The following EPB41L5 variants were observed in gnomAD, a reference collection of about 807,000 sequenced individuals.
EPB41L5 encodes the protein band 4.1-like protein 5.
EPB41L5 carries 55 observed loss-of-function variants against 106.6 expected under a neutral mutation model. That is an observed-to-expected ratio of 0.52 (90% CI 0.42 to 0.65). The LOEUF (loss-of-function observed/expected upper bound fraction) is 0.65, where lower values mean the gene tolerates loss of function less well. Ranked by LOEUF, EPB41L5 falls within the 30% of genes least tolerant of loss-of-function variation. The pLI is 0.00. For synonymous variants in EPB41L5, 297 were observed against 306.7 expected (o/e 0.97, Z 0.33); for missense variants, 871 against 882.1 (o/e 0.99, Z 0.16).
chr2:120,128,149 G>A (rs1169359461), intron 17 of EPB41L5: 5 of 185,910 alleles, frequency 2.7e-5, no homozygotes, highest in African/African-American at 1.2e-4. Context: ...AGGATTGAAT[G>A]AATATTTGAA....
Position 120,091,677 on chromosome 2 carries a change from C to G in EPB41L5, c.1150+16C>G. ...CAAATGAAAGGTGAAGTGCAACCCT[C>G]TTTCAAAGGATTATTTTTCCTTGGC... On this transcript the variant is annotated intron_variant, in intron 13 of 24. Transcript: ENST00000263713. 1 of 1,575,440 alleles carries G rather than the reference C, an allele frequency of 6.3e-7. No individual in the cohort carries two copies. Among genetic ancestry groups the G allele is most frequent in the Non-Finnish European group, 8.7e-7 (1 of 1,149,124 alleles).
intron 10 of EPB41L5, among the ~76,000 whole-genome samples, chr2:120,080,199 G>C (rs1292609830): frequency 2.0e-5 from 3 of 151,622 alleles, no homozygotes; most frequent in Non-Finnish European, 4.4e-5. Context: ...AAGTTGGTGT[G>C]CTGCACCGAT....
chr2:120,035,143 T>C (rs1678963365), intron 2 of EPB41L5, among the ~76,000 whole-genome samples: 1 of 152,226 alleles, frequency 6.6e-6, no homozygotes, highest in African/African-American at 2.4e-5. Flanking sequence ...ATCTCCCTTA[T>C]TAAATGGGCC....
chr2:120,046,303 T>C (rs1352915161), intron 3 of EPB41L5, among the ~76,000 whole-genome samples: 2 of 152,170 alleles, frequency 1.3e-5, no homozygotes, highest in African/African-American at 2.4e-5. Context: ...TGTCTCCACT[T>C]CCTCTCCAGC....
chr2:120,108,869 A>G (rs1281859241), intron 16 of EPB41L5, among the ~76,000 whole-genome samples: 2 of 152,228 alleles, frequency 1.3e-5, no homozygotes, highest in Non-Finnish European at 2.9e-5. Flanking sequence ...GTTCTCTGGA[A>G]TATCCAGGTT....
chr2:120,090,278 A>G (rs931616104), intron 11 of EPB41L5, 69 bp from the exon 12 acceptor site: 3 of 1,286,996 alleles, frequency 2.3e-6, no homozygotes, highest in East Asian at 4.8e-5. Flanking sequence ...ATGTGTTTGT[A>G]TCTCAGAAAT....
chr2:120,045,165 G>A (rs1283642372), intron 3 of EPB41L5, among the ~76,000 whole-genome samples: 2 of 152,072 alleles, frequency 1.3e-5, no homozygotes, highest in African/African-American at 4.8e-5. Flanking sequence ...TTAGTTTATT[G>A]GTCACTATAG....
intron 18 of EPB41L5, among the ~76,000 whole-genome samples, chr2:120,134,475 T>G (rs1015432799): frequency 6.6e-6 from 1 of 152,112 alleles, no homozygotes; most frequent in African/African-American, 2.4e-5. Flanking sequence ...AGTCACCACA[T>G]ACCTCGGGTG....
intron 3 of EPB41L5, among the ~76,000 whole-genome samples, chr2:120,065,015 G>A (rs974338439): frequency 6.6e-6 from 1 of 152,200 alleles, no homozygotes; most frequent in Admixed American, 6.5e-5. Context: ...TCTTAAGGGA[G>A]TGCAGGTATT....
rs550978412 is a variant in EPB41L5, at chr2:120,167,073, C to T, written c.1963-393C>T. On this transcript the variant is annotated intron_variant, in intron 22 of 24. Coordinates refer to ENST00000263713, the MANE Select transcript of EPB41L5 (RefSeq NM_020909.4). Reference sequence around the variant, plus strand: ...GCTCTTTATTTGGATTAGTCACAATCCATTGTTCAGGCTGCTACCAAGAAG... The same window carrying T: ...GCTCTTTATTTGGATTAGTCACAATTCATTGTTCAGGCTGCTACCAAGAAG... Among the ~76,000 whole-genome samples the T allele has an allele frequency of 3.9e-5, 6 of 152,244 alleles. No homozygotes were observed. In the East Asian group the frequency reaches 1.2e-3, roughly 29 times the overall value.
intron 16 of EPB41L5, among the ~76,000 whole-genome samples, chr2:120,123,952 C>A (rs978678447): frequency 5.3e-5 from 8 of 152,164 alleles, no homozygotes; most frequent in African/African-American, 1.9e-4. Flanking sequence ...GCCACTGCAC[C>A]TGGCCTGTTT....
intron 18 of EPB41L5, among the ~76,000 whole-genome samples, chr2:120,135,730 A>C (rs1262579581): frequency 1.3e-5 from 2 of 152,116 alleles, no homozygotes; most frequent in Non-Finnish European, 2.9e-5. Context: ...TTTATCCTAA[A>C]ATAGTATATC....
At chr2:120,130,143 C>CAAAAAA (rs11379919) in intron 17 of EPB41L5, among the ~76,000 whole-genome samples, 1 of 110,560 alleles carries the variant, frequency 9.0e-6, no homozygotes, top group Non-Finnish European at 1.7e-5. Context: ...GACTCCATCT[C>CAAAAAA]AAAAAAAAAA....
At chr2:120,035,982 T>C (rs1233025414) in intron 2 of EPB41L5, among the ~76,000 whole-genome samples, 1 of 152,174 alleles carries the variant, frequency 6.6e-6, no homozygotes, top group Non-Finnish European at 1.5e-5. Flanking sequence ...CTCCTGTGGC[T>C]GTGGAAGGAT....
intron 20 of EPB41L5, among the ~76,000 whole-genome samples, chr2:120,149,427 C>T (rs1473553790): frequency 3.3e-5 from 5 of 152,214 alleles, no homozygotes; most frequent in African/African-American, 1.2e-4. Flanking sequence ...TACTTTTCTA[C>T]TTTCTGTCTC....
chr2:120,077,155 T>A (rs1274753419), intron 8 of EPB41L5, 64 bp downstream of exon 8: 2 of 1,587,050 alleles, frequency 1.3e-6, no homozygotes, highest in Non-Finnish European at 8.6e-7. Context: ...ATTCATTTTC[T>A]TCTGTTTCTA....
chr2:120,104,092 G>T (rs897960297), intron 16 of EPB41L5: 2 of 1,535,106 alleles, frequency 1.3e-6, no homozygotes, highest in Non-Finnish European at 1.7e-6. Flanking sequence ...TGTCAACGTG[G>T]TGGAAACCAG....
At chr2:120,147,476 T>C (rs544989021) in intron 20 of EPB41L5, among the ~76,000 whole-genome samples, 9 of 151,432 alleles carry the variant, frequency 5.9e-5, no homozygotes, top group African/African-American at 2.2e-4. Flanking sequence ...AATACGAAAA[T>C]TAGCTGGGCA....
At chr2:120,142,491 A>G (rs530919493) in intron 18 of EPB41L5, among the ~76,000 whole-genome samples, 1 of 152,306 alleles carries the variant, frequency 6.6e-6, no homozygotes, top group Non-Finnish European at 1.5e-5. Flanking sequence ...CAATTAAGGC[A>G]TGTGTGAGCT....
Sources: allele counts gnomAD v4.1 joint callset (sites outside exome capture counted in the v4.1 genomes callset), GRCh38; gene constraint gnomAD v4.1.1; transcripts MANE v1.5; gene names NCBI Gene and HGNC (gene_info 2026-07-23, HGNC 2026-07-21).